KHDRBS3: variants seen among roughly 807,000 people sequenced by gnomAD.
The protein encoded by KHDRBS3 is KH RNA binding domain containing, signal transduction associated 3.
A neutral mutation model predicts 45.6 loss-of-function variants in KHDRBS3; 23 were observed. That is an observed-to-expected ratio of 0.50 (90% confidence interval 0.36 to 0.72). KHDRBS3 has a LOEUF of 0.72. KHDRBS3 is among the 30% of genes least tolerant of loss of function. The pLI, the probability that KHDRBS3 is intolerant of heterozygous loss-of-function variation, is 0.00. For missense variants in KHDRBS3, 352 were observed against 424.8 expected (o/e 0.83, Z 1.51); for synonymous variants, 162 against 156.5 (o/e 1.04, Z -0.26).
chr8:135,521,484 G>C (rs1824907963), intron 2 of KHDRBS3, 129 bp downstream of exon 2: 7 of 503,994 alleles, frequency 1.4e-5, no homozygotes, highest in Non-Finnish European at 2.5e-5. Context: ...CACTTTTAAA[G>C]TTAATTAAAA....
intron 5 of KHDRBS3, among the ~76,000 whole-genome samples, chr8:135,568,866 C>A (rs538074641): frequency 1.0e-3 from 152 of 152,316 alleles, no homozygotes; most frequent in Middle Eastern, 6.8e-3. Context: ...TCTTGCCTCC[C>A]CCTGTAACTG....
chr8:135,476,913 T>C (rs934251093), intron 1 of KHDRBS3, among the ~76,000 whole-genome samples: 3 of 152,178 alleles, frequency 2.0e-5, no homozygotes, highest in Admixed American at 6.5e-5. Context: ...GCAATTGATA[T>C]AGTAGAAGTT....
At chr8:135,532,226 G>A (rs1456967560) in intron 2 of KHDRBS3, among the ~76,000 whole-genome samples, 1 of 152,000 alleles carries the variant, frequency 6.6e-6, no homozygotes, top group Non-Finnish European at 1.5e-5. Flanking sequence ...CTAAGAATGG[G>A]GATTTATTTA....
At chr8:135,631,568 AAG>A (rs532782122) in intron 7 of KHDRBS3, among the ~76,000 whole-genome samples, 1 of 152,114 alleles carries the variant, frequency 6.6e-6, no homozygotes, top group Non-Finnish European at 1.5e-5. Flanking sequence ...GTGCCTCTGG[AAG>A]ATCTTTAGGG....
At chr8:135,604,736 T>A (rs1345270320) in intron 6 of KHDRBS3, among the ~76,000 whole-genome samples, 1 of 151,930 alleles carries the variant, frequency 6.6e-6, no homozygotes, top group Non-Finnish European at 1.5e-5. Flanking sequence ...TTTGTGTATT[T>A]GTCCTTTAAA....
At chr8:135,469,517 GTTTTGGTTTTT>G in intron 1 of KHDRBS3, among the ~76,000 whole-genome samples, 1 of 30,692 alleles carries the variant, frequency 3.3e-5, no homozygotes, top group African/African-American at 8.9e-5. Flanking sequence ...TTTTTTTTTT[GTTTTGGTTTTT>G]TTTTTTTTTT....
chr8:135,525,884 GAAATA>G (rs771829607), intron 2 of KHDRBS3, among the ~76,000 whole-genome samples: 3 of 152,166 alleles, frequency 2.0e-5, no homozygotes, highest in Non-Finnish European at 4.4e-5. Context: ...GTTTGTAAAT[GAAATA>G]AAATAAAGTG....
chr8:135,594,793 T>G (rs958868502), intron 6 of KHDRBS3, among the ~76,000 whole-genome samples: 6 of 152,292 alleles, frequency 3.9e-5, no homozygotes, highest in African/African-American at 1.2e-4. Context: ...GCTGTGGGAA[T>G]GTACACTGCT....
At chr8:135,484,704 T>A (rs955334865) in intron 1 of KHDRBS3, among the ~76,000 whole-genome samples, 1 of 152,218 alleles carries the variant, frequency 6.6e-6, no homozygotes, top group South Asian at 2.1e-4. Context: ...CTATAAGCTG[T>A]TAAATATGTA....
intron 2 of KHDRBS3, among the ~76,000 whole-genome samples, chr8:135,524,815 A>G (rs752139449): frequency 6.6e-6 from 1 of 152,122 alleles, no homozygotes; most frequent in Non-Finnish European, 1.5e-5. Flanking sequence ...TATATCAGGA[A>G]TCATAATTAT....
chr8:135,496,176 G>A (rs1304783160), intron 1 of KHDRBS3, among the ~76,000 whole-genome samples: 1 of 103,012 alleles, frequency 9.7e-6, no homozygotes, highest in African/African-American at 3.0e-5. Context: ...TGTAGAGAGA[G>A]GGAAAGGTCA....
intron 8 of KHDRBS3, among the ~76,000 whole-genome samples, chr8:135,646,677 C>G (rs1330440812): frequency 6.6e-6 from 1 of 152,142 alleles, no homozygotes; most frequent in Admixed American, 6.5e-5. Flanking sequence ...AGGCAGTTCT[C>G]TTTGCTACTT....
chr8:135,472,942 T>A (rs1822085498), intron 1 of KHDRBS3, among the ~76,000 whole-genome samples: 1 of 152,096 alleles, frequency 6.6e-6, no homozygotes, highest in Non-Finnish European at 1.5e-5. Context: ...AGGAAAAGAA[T>A]CCCTCAGTTC....
At chr8:135,649,854 CTT>C (rs1415785769), downstream of KHDRBS3, among the ~76,000 whole-genome samples, 8 of 152,088 alleles carry the variant, frequency 5.3e-5, no homozygotes, top group East Asian at 1.5e-3. Context: ...GCTTCCATAG[CTT>C]TATCAGACTG....
chr8:135,597,105 T>G (rs1586779060), intron 6 of KHDRBS3, among the ~76,000 whole-genome samples: 1 of 152,202 alleles, frequency 6.6e-6, no homozygotes, highest in Non-Finnish European at 1.5e-5. Flanking sequence ...TTTTGGAGGC[T>G]GTGCAGTCCA....
rs1279488694 is a variant in KHDRBS3, at chr8:135,464,000, G to A, written c.88+6046G>A. On this transcript the variant is annotated intron_variant, in intron 1 of 8. Transcript: ENST00000355849. ...AGGTAGGAGGTTTTATTCCCTGCGTGCCTCCTTTATTTTTTTCAAATGAGG... is the reference window on the plus strand; with the variant it reads ...AGGTAGGAGGTTTTATTCCCTGCGTACCTCCTTTATTTTTTTCAAATGAGG... 2.0e-5 allele frequency among the ~76,000 whole-genome samples: 3 copies of A among 152,236 alleles called. No individual in the cohort carries two copies. In the East Asian group the frequency reaches 5.8e-4, roughly 29 times the overall value.
At chr8:135,545,786 C>A (rs1160810756) in intron 3 of KHDRBS3, among the ~76,000 whole-genome samples, 4 of 152,148 alleles carry the variant, frequency 2.6e-5, no homozygotes, top group African/African-American at 9.7e-5. Flanking sequence ...GTCATTCTTT[C>A]AAAAGCATTT....
chr8:135,483,164 G>A (rs1822672124), intron 1 of KHDRBS3, among the ~76,000 whole-genome samples: 1 of 152,052 alleles, frequency 6.6e-6, no homozygotes, highest in South Asian at 2.1e-4. Flanking sequence ...CTATCGAATT[G>A]TATTTATTAA....
chr8:135,652,862 A>C (rs1328442399), intron 4 of KHDRBS3, among the ~76,000 whole-genome samples: 1 of 152,204 alleles, frequency 6.6e-6, no homozygotes, highest in African/African-American at 2.4e-5. Flanking sequence ...TATGCCTAGT[A>C]AGTGGTAAAT....
Sources: allele counts gnomAD v4.1 joint callset (sites outside exome capture counted in the v4.1 genomes callset), GRCh38; gene constraint gnomAD v4.1.1; transcripts MANE v1.5; gene names NCBI Gene and HGNC (gene_info 2026-07-23, HGNC 2026-07-21).